The following GPC5 variants were observed in gnomAD, a reference collection of about 807,000 sequenced individuals.
The protein encoded by GPC5 is glypican-5.
Under a neutral mutation model 53.9 loss-of-function variants are expected in GPC5, and 47 were observed. That is an observed-to-expected ratio of 0.87 (90% CI 0.69 to 1.11). The LOEUF (loss-of-function observed/expected upper bound fraction) is 1.11. GPC5 is among the 50% of genes most tolerant of loss of function. GPC5 has a pLI of 0.00. For synonymous variants in GPC5, 286 were observed against 263.3 expected (o/e 1.09, Z -0.84); for missense variants, 748 against 713.1 (o/e 1.05, Z -0.56).
At chr13:92,270,120 T>C (rs2042829991) in intron 7 of GPC5, among the ~76,000 whole-genome samples, 1 of 152,000 alleles carries the variant, frequency 6.6e-6, no homozygotes, top group South Asian at 2.1e-4. Context: ...AATAGGAACA[T>C]AGGGATCATG....
chr13:92,248,836 T>C (rs2042671748), intron 7 of GPC5, among the ~76,000 whole-genome samples: 1 of 152,110 alleles, frequency 6.6e-6, no homozygotes, highest in Admixed American at 6.6e-5. Context: ...GTGTTTTTTA[T>C]TCATTATTTT....
chr13:92,440,582 G>A (rs1877508752), intron 7 of GPC5, among the ~76,000 whole-genome samples: 1 of 152,044 alleles, frequency 6.6e-6, no homozygotes, highest in African/African-American at 2.4e-5. Flanking sequence ...ATTCTTTTTG[G>A]TAGAACAATT....
rs562870360 is a variant in GPC5, at chr13:91,955,176, T to C, written c.1401+47119T>C. ...TCCAAAAATTAATCTGGATATTCAG[T>C]AAAATTCCAGTAAAATTTAATCTAT... is the stretch of plus-strand genomic sequence containing the variant. On this transcript the variant is annotated intron_variant, in intron 6 of 7. Transcript: ENST00000377067. Among the ~76,000 whole-genome samples the C allele has an allele frequency of 3.1e-3, 471 of 152,274 alleles. 3 individuals are homozygous for C. Among genetic ancestry groups the C allele is most frequent in the African/African-American group, 0.011 (452 of 41,546 alleles).
intron 6 of GPC5, among the ~76,000 whole-genome samples, chr13:91,970,741 TG>T: frequency 6.6e-6 from 1 of 152,238 alleles, no homozygotes; most frequent in Non-Finnish European, 1.5e-5. Flanking sequence ...TTTTTGTCTT[TG>T]GTTCTGTTTA....
chr13:92,371,650 AAGG>A (rs1261859495), intron 7 of GPC5, among the ~76,000 whole-genome samples: 1 of 152,180 alleles, frequency 6.6e-6, no homozygotes, highest in Admixed American at 6.5e-5. Context: ...AGGCAGCAGG[AAGG>A]AGAAGTGCTA....
chr13:92,524,027 C>T (rs1352358390), intron 7 of GPC5, among the ~76,000 whole-genome samples: 2 of 152,092 alleles, frequency 1.3e-5, no homozygotes, highest in Non-Finnish European at 2.9e-5. Context: ...TAGCTGCCTA[C>T]TGATCAGAGT....
chr13:91,878,969 CTATAATCA>C, intron 5 of GPC5, among the ~76,000 whole-genome samples: 1 of 152,194 alleles, frequency 6.6e-6, no homozygotes, highest in East Asian at 1.9e-4. Flanking sequence ...AGATTTCTCT[CTATAATCA>C]TATTGTCTCC....
chr13:91,472,177 A>G (rs926178685), intron 2 of GPC5, among the ~76,000 whole-genome samples: 1 of 152,192 alleles, frequency 6.6e-6, no homozygotes, highest in Non-Finnish European at 1.5e-5. Context: ...CCATGTGTAT[A>G]TCACTTTCCT....
chr13:92,590,006 G>T (rs1883664471), intron 7 of GPC5, among the ~76,000 whole-genome samples: 1 of 152,066 alleles, frequency 6.6e-6, no homozygotes, highest in Non-Finnish European at 1.5e-5. Flanking sequence ...AGAGGTTGTT[G>T]GGAACAGACA....
chr13:91,405,004 T>A (rs1877213603), intron 1 of GPC5, among the ~76,000 whole-genome samples: 1 of 152,242 alleles, frequency 6.6e-6, no homozygotes, highest in Non-Finnish European at 1.5e-5. Context: ...CTAAGCCTGA[T>A]TTTTTAAAGT....
chr13:91,560,836 C>G (rs1478881529), intron 2 of GPC5, among the ~76,000 whole-genome samples: 1 of 152,052 alleles, frequency 6.6e-6, no homozygotes, highest in African/African-American at 2.4e-5. Flanking sequence ...TGAGTCACCA[C>G]AGTGGAGAGT....
chr13:92,702,694 C>T (rs983603096), intron 7 of GPC5, among the ~76,000 whole-genome samples: 3 of 152,100 alleles, frequency 2.0e-5, no homozygotes, highest in South Asian at 2.1e-4. Flanking sequence ...GGTCCATCAT[C>T]GCCTATTCAC....
At chr13:92,602,204 ATATT>A (rs1261923845) in intron 7 of GPC5, among the ~76,000 whole-genome samples, 1 of 126,642 alleles carries the variant, frequency 7.9e-6, no homozygotes, top group East Asian at 2.2e-4. Context: ...ATAAATATAT[ATATT>A]ACATATATAT....
At chr13:91,665,505 C>CTCTTTTTTTTTTTCT (rs1555335534) in intron 2 of GPC5, among the ~76,000 whole-genome samples, 5 of 146,130 alleles carry the variant, frequency 3.4e-5, no homozygotes, top group African/African-American at 1.3e-4. Flanking sequence ...AAAAGCCAGT[C>CTCTTTTTTTTTTTCT]TTTTTTTTTT....
At chr13:92,818,410 TTAATC>T (rs759310432) in intron 7 of GPC5, among the ~76,000 whole-genome samples, 1 of 152,032 alleles carries the variant, frequency 6.6e-6, no homozygotes, top group African/African-American at 2.4e-5. Flanking sequence ...CTAAAAGCCT[TTAATC>T]TAAGTAAAAA....
chr13:92,560,833 A>G (rs555832154), intron 7 of GPC5, among the ~76,000 whole-genome samples: 1 of 149,508 alleles, frequency 6.7e-6, no homozygotes, highest in South Asian at 2.1e-4. Context: ...AACGAATATA[A>G]ATGTTAGAGA....
At chr13:92,173,251 G>A (rs2042083394) in intron 7 of GPC5, among the ~76,000 whole-genome samples, 1 of 151,952 alleles carries the variant, frequency 6.6e-6, no homozygotes, top group South Asian at 2.1e-4. Context: ...TCTCACCTAG[G>A]TCATTAAATT....
chr13:92,483,650 ACC>A (rs58249955), intron 7 of GPC5, among the ~76,000 whole-genome samples: 10,779 of 152,206 alleles, frequency 0.071, 412 homozygotes, highest in Middle Eastern at 0.11. Context: ...TAATAAATTT[ACC>A]TTAACACTGT....
intron 7 of GPC5, among the ~76,000 whole-genome samples, chr13:92,234,452 A>G (rs1331334533): frequency 6.6e-6 from 1 of 152,122 alleles, no homozygotes; most frequent in Non-Finnish European, 1.5e-5. Flanking sequence ...TAATTTTTAC[A>G]TGTGCATAGG....
Sources: allele counts gnomAD v4.1 joint callset (sites outside exome capture counted in the v4.1 genomes callset), GRCh38; gene constraint gnomAD v4.1.1; transcripts MANE v1.5; gene names NCBI Gene and HGNC (gene_info 2026-07-23, HGNC 2026-07-21).